OAF: variants seen among roughly 807,000 people sequenced by gnomAD.
OAF encodes the protein out at first protein homolog.
OAF carries 13 observed loss-of-function variants against 22.5 expected under a neutral mutation model. The observed-to-expected ratio is 0.58, with a 90% CI of 0.38 to 0.92. The LOEUF (loss-of-function observed/expected upper bound fraction) is 0.92. Among genes scored for constraint, OAF ranks in the 40% least tolerant of loss-of-function variants. The pLI, the probability that OAF is intolerant of heterozygous loss-of-function variation, is 0.00. For missense variants in OAF, 347 were observed against 381.8 expected, an observed-to-expected ratio of 0.91 and a Z score of 0.76; for synonymous variants, 175 against 170.5, an observed-to-expected ratio of 1.03 and a Z score of -0.21.
intron 3 of OAF, 39 bp from the exon 4 acceptor site, chr11:120,228,829 T>TCCCCCCCC: frequency 5.7e-6 from 2 of 347,944 alleles, no homozygotes; most frequent in East Asian, 1.3e-4. Context: ...CTTCCCTCCC[T>TCCCCCCCC]CCCTCCCTCC....
Position 120,211,344 on chromosome 11 carries a change from C to A in OAF, c.65C>A (p.Pro22Gln), listed in dbSNP as rs1360716538. The A allele has an allele frequency of 4.9e-6, 7 of 1,425,282 alleles. No individual in the cohort carries two copies. The African/African-American group carries it at 6.0e-5, about 12-fold the overall frequency. The allele number at this position is 1,425,282 out of a possible 1,614,324, so 88.3% of individuals were successfully genotyped here. A position where few individuals can be genotyped will look rare whatever the true frequency, so the allele number is the denominator to read the frequency against. ...CTGCTGCTGCTGCCGCTGCTCGCGC[C>A]GCTGCTGGGAACGGGTGCGCCGGCC... ...ALLLLLPLLA[P>Q]LLGTGAPAEL... is the part of the protein sequence containing the mutation. The change falls in exon 1 of 4, where the codon CCG (proline) becomes CAG (glutamine). Residue 22 changes from proline to glutamine, a missense_variant. Pro to Gln is a moderately conservative substitution (Grantham distance 76, BLOSUM62 -1). Coordinates refer to ENST00000328965, the MANE Select transcript of OAF (RefSeq NM_178507.4).
chr11:120,228,821 T>TACCAACCCAAC, intron 3 of OAF, 47 bp from the exon 4 acceptor site: 12 of 520,274 alleles, frequency 2.3e-5, no homozygotes, highest in East Asian at 6.8e-5. Flanking sequence ...GGGAGCTCCT[T>TACCAACCCAAC]CCCTCCCTCC....
chr11:120,221,199 C>A (rs977852982), intron 1 of OAF, among the ~76,000 whole-genome samples: 2 of 152,188 alleles, frequency 1.3e-5, no homozygotes, highest in African/African-American at 4.8e-5. Context: ...CCTCCTCCAC[C>A]ATCCCCTGGA....
At chr11:120,213,922 T>G (rs1163937558) in intron 1 of OAF, 1 of 152,102 alleles carries the variant, frequency 6.6e-6, no homozygotes, top group Non-Finnish European at 1.5e-5. Flanking sequence ...ATTTAAAAAT[T>G]AGCGGAGCAC....
chr11:120,227,176 C>T (rs540076740), intron 3 of OAF, among the ~76,000 whole-genome samples, 180 bp downstream of exon 3: 3 of 152,154 alleles, frequency 2.0e-5, no homozygotes, highest in African/African-American at 4.8e-5. Flanking sequence ...GATGTACTGG[C>T]GCAGGAATCA....
chr11:120,212,235 A>C lies in OAF; in HGVS notation c.231+725A>C, dbSNP rs571026439. Among the ~76,000 whole-genome samples the C allele has an allele frequency of 1.4e-3, 93 of 66,698 alleles. 1 individual carries two copies. The East Asian group carries it at 0.033, about 24-fold the overall frequency. The allele number at this position is 66,698 out of a possible 152,430, so 43.8% of individuals were successfully genotyped here. A position where few individuals can be genotyped will look rare whatever the true frequency, so the allele number is the denominator to read the frequency against. ...GCCCAGATTAGGGTTAGGGAGTTAG[A>C]GACCAGCCCGGTGGGTGGGTGGGTG... On this transcript the variant is annotated intron_variant, in intron 1 of 3. Transcript: ENST00000328965.
At chr11:120,214,438 G>A (rs921028778) in intron 1 of OAF, among the ~76,000 whole-genome samples, 1 of 152,128 alleles carries the variant, frequency 6.6e-6, no homozygotes, top group Non-Finnish European at 1.5e-5. Context: ...ATTGAACAAC[G>A]GACCCAAGGT....
intron 1 of OAF, among the ~76,000 whole-genome samples, chr11:120,222,220 C>A (rs969511538): frequency 6.6e-6 from 1 of 152,188 alleles, no homozygotes; most frequent in African/African-American, 2.4e-5. Context: ...GGGCTGCCCA[C>A]TCCTTCTCAG....
chr11:120,214,896 G>A (rs992323781), intron 1 of OAF, among the ~76,000 whole-genome samples: 5 of 152,338 alleles, frequency 3.3e-5, no homozygotes, highest in Middle Eastern at 3.4e-3. Context: ...CAGGCTGACC[G>A]AGCCACAGCT....
At position 120,229,155 on chromosome 11, in the gene OAF, C is replaced by A; in HGVS notation, c.*13C>A. ...CTACCCAGGCTAGGGTGGGAGCAAC[C>A]TGGCGGGTGGCTGCTCTGGGCCCAC... is the stretch of plus-strand genomic sequence containing the variant. On this transcript the variant is annotated 3_prime_UTR_variant, in exon 4 of 4. Transcript: ENST00000328965. 6.2e-7 allele frequency: 1 copy of A among 1,604,040 alleles called. No homozygotes were observed.
intron 1 of OAF, among the ~76,000 whole-genome samples, chr11:120,218,696 G>C (rs565889574): frequency 1.3e-5 from 2 of 152,174 alleles, no homozygotes; most frequent in African/African-American, 2.4e-5. Flanking sequence ...GCCCTAGAGC[G>C]ATGACCTGCA....
chr11:120,214,214 G>A (rs1938184016), intron 1 of OAF, among the ~76,000 whole-genome samples: 6 of 152,114 alleles, frequency 3.9e-5, no homozygotes, highest in Admixed American at 3.9e-4. Context: ...GTTCACCCTG[G>A]GCAAGCTACT....
chr11:120,227,445 C>T (rs1175187123), intron 3 of OAF, among the ~76,000 whole-genome samples: 1 of 152,132 alleles, frequency 6.6e-6, no homozygotes, highest in Non-Finnish European at 1.5e-5. Flanking sequence ...AGGTACTTCC[C>T]CTTGTCCCTG....
chr11:120,215,293 G>A (rs750023848), intron 1 of OAF, among the ~76,000 whole-genome samples: 5 of 152,244 alleles, frequency 3.3e-5, no homozygotes, highest in Non-Finnish European at 5.9e-5. Context: ...AGCGGAGGTT[G>A]CAGTGAGCCT....
At chr11:120,219,554 T>C (rs1237011275) in intron 1 of OAF, among the ~76,000 whole-genome samples, 9 of 152,314 alleles carry the variant, frequency 5.9e-5, no homozygotes. Flanking sequence ...AGGGGTGCTC[T>C]GCCGTCTCTC....
chr11:120,226,218 A>G (rs1161304407), intron 2 of OAF, among the ~76,000 whole-genome samples: 1 of 152,218 alleles, frequency 6.6e-6, no homozygotes, highest in Non-Finnish European at 1.5e-5. Context: ...GTTGGGTGAC[A>G]TTGGACAAGT....
At position 120,229,045 on chromosome 11, in the gene OAF, A is replaced by G. The variant is rs1218721011; in HGVS notation, c.725A>G (p.Lys242Arg). Residue 242 changes from lysine (K) to arginine (R), a missense_variant, in exon 4 of 4, where the codon AAG (lysine) becomes AGG (arginine). Lys to Arg is a conservative substitution (Grantham distance 26). Coordinates refer to ENST00000328965, the MANE Select transcript of OAF (RefSeq NM_178507.4). The stretch of plus-strand genomic sequence containing the variant: ...AGCCGCGACCGGCCCACGCCCTACA[A>G]GTGTGGCATCCGCAGCTGCCAGAAG... ...CHSRDRPTPY[K>R]CGIRSCQKSY... The G allele has an allele frequency of 6.2e-7, 1 of 1,613,482 alleles. No individual in the cohort carries two copies. The highest frequency in any genetic ancestry group is 8.5e-7 in the Non-Finnish European group (1 of 1,179,966).
At chr11:120,215,331 G>T (rs371320294) in intron 1 of OAF, among the ~76,000 whole-genome samples, 1 of 152,158 alleles carries the variant, frequency 6.6e-6, no homozygotes, top group South Asian at 2.1e-4. Flanking sequence ...TCCAGTCTGG[G>T]TGACAAAAGA....
intron 1 of OAF, among the ~76,000 whole-genome samples, chr11:120,213,280 G>T (rs1291416598): frequency 6.6e-6 from 1 of 152,160 alleles, no homozygotes; most frequent in African/African-American, 2.4e-5. Context: ...GATGGCGGGG[G>T]TGGGGTGCTG....
Sources: allele counts gnomAD v4.1 joint callset (sites outside exome capture counted in the v4.1 genomes callset), GRCh38; gene constraint gnomAD v4.1.1; transcripts MANE v1.5; gene names NCBI Gene and HGNC (gene_info 2026-07-23, HGNC 2026-07-21).